ZFAND3: variants seen among roughly 807,000 people sequenced by gnomAD.
ZFAND3 encodes the protein AN1-type zinc finger protein 3.
A neutral mutation model predicts 29.6 loss-of-function variants in ZFAND3; 10 were observed. The observed-to-expected ratio is 0.34, with a 90% CI of 0.21 to 0.57. The LOEUF (loss-of-function observed/expected upper bound fraction) is 0.57, where lower values mean the gene tolerates loss of function less well. Ranked by LOEUF, ZFAND3 falls within the 20% of genes least tolerant of loss-of-function variation. The probability of loss-of-function intolerance (pLI) is 0.86; values close to 1 mark genes in which losing one functional copy is unlikely to be tolerated. For synonymous variants in ZFAND3, 128 were observed against 112.6 expected, an observed-to-expected ratio of 1.14 and a Z score of -0.87; for missense variants, 230 against 304.5, an observed-to-expected ratio of 0.76 and a Z score of 1.82.
chr6:37,937,674 G>A (rs7748313), intron 2 of ZFAND3, among the ~76,000 whole-genome samples: 110,138 of 129,736 alleles, frequency 0.85, 47,761 homozygotes, highest in Non-Finnish European at 0.93. Context: ...AAAAAAAAAA[G>A]GCAAAAAAAG....
intron 1 of ZFAND3, among the ~76,000 whole-genome samples, chr6:37,898,910 T>C (rs1253322815): frequency 6.6e-6 from 1 of 152,132 alleles, no homozygotes; most frequent in Non-Finnish European, 1.5e-5. Flanking sequence ...TATTTATTTA[T>C]TTTGAGACGG....
At chr6:37,998,835 GTAATGTGGATACT>G (rs1238522853) in intron 2 of ZFAND3, among the ~76,000 whole-genome samples, 3 of 152,176 alleles carry the variant, frequency 2.0e-5, no homozygotes, top group Non-Finnish European at 4.4e-5. Flanking sequence ...GGATATATCA[GTAATGTGGATACT>G]TAATGTGGAT....
chr6:37,866,261 A>G (rs1012516383), intron 1 of ZFAND3, among the ~76,000 whole-genome samples: 2 of 152,138 alleles, frequency 1.3e-5, no homozygotes, highest in Non-Finnish European at 2.9e-5. Flanking sequence ...ATTAGGTGAG[A>G]TTATCATTCT....
intron 2 of ZFAND3, among the ~76,000 whole-genome samples, chr6:37,969,265 A>AG (rs944744323): frequency 1.5e-4 from 23 of 152,238 alleles, no homozygotes; most frequent in Non-Finnish European, 2.9e-4. Flanking sequence ...AGTATTTTTA[A>AG]GCAAGAGAAA....
At chr6:37,943,911 G>A (rs12204707) in intron 2 of ZFAND3, among the ~76,000 whole-genome samples, 137 of 152,224 alleles carry the variant, frequency 9.0e-4, no homozygotes, top group Non-Finnish European at 1.6e-3. Context: ...TCTCCTTCCA[G>A]TGTTACATGC....
Position 38,061,770 on chromosome 6 carries a change from A to G in ZFAND3, c.290A>G (p.Glu97Gly). 1 of 1,614,104 alleles carries G rather than the reference A, an allele frequency of 6.2e-7. No homozygotes were observed. The highest frequency in any genetic ancestry group is 2.2e-5 in the East Asian group (1 of 44,866). ...CTGAATGTAACTTCACCGAGTAAAG[A>G]GGAGTGTAAGTGTCTGGCTTCTGAG... ...TELNVTSPSK[E>G]ECGPCTDTAH... is the part of the protein sequence containing the mutation. The change falls in exon 3 of 6, where the codon GAG (glutamate) becomes GGG (glycine). Residue 97 changes from glutamate (E) to glycine (G), a missense_variant. Around this residue, in one of 2 missense-constraint regions of ZFAND3, gnomAD observed 180 missense variants for 202.5 expected, o/e 0.89. Transcript: ENST00000287218.
At position 38,035,469 on chromosome 6, in the gene ZFAND3, A is replaced by C. The variant is rs148106817; in HGVS notation, c.113-26124A>C. On this transcript the variant is annotated intron_variant, in intron 2 of 5. Transcript: ENST00000287218. ...TTTAGCTTTGAAAGTCTTAAAAATA[A>C]TCCTCAAAAAGGGAGAGAGGGTGAT... Among the ~76,000 whole-genome samples, 17 of 152,306 alleles carry C rather than the reference A, an allele frequency of 1.1e-4. No individual in the cohort carries two copies. The East Asian group carries it at 3.1e-3, about 28-fold the overall frequency.
At chr6:37,833,129 A>G (rs1763895646) in intron 1 of ZFAND3, 1 of 152,138 alleles carries the variant, frequency 6.6e-6, no homozygotes, top group African/African-American at 2.4e-5. Flanking sequence ...AGTACTGCCC[A>G]GAACTCCTGG....
chr6:37,901,166 C>T (rs940684597), intron 1 of ZFAND3, among the ~76,000 whole-genome samples: 1 of 152,036 alleles, frequency 6.6e-6, no homozygotes, highest in East Asian at 1.9e-4. Flanking sequence ...TTCACTGTGG[C>T]CAGGCCTTCT....
At chr6:37,953,022 T>G (rs1189973978) in intron 2 of ZFAND3, among the ~76,000 whole-genome samples, 1 of 152,126 alleles carries the variant, frequency 6.6e-6, no homozygotes, top group Non-Finnish European at 1.5e-5. Flanking sequence ...GTTTTTATAT[T>G]TAAAATGCTT....
At chr6:37,852,150 A>T (rs1235649876) in intron 1 of ZFAND3, among the ~76,000 whole-genome samples, 3 of 152,176 alleles carry the variant, frequency 2.0e-5, no homozygotes, top group Admixed American at 6.5e-5. Flanking sequence ...CTTACCAGGA[A>T]ATCAGTTTAT....
intron 1 of ZFAND3, among the ~76,000 whole-genome samples, chr6:37,841,567 T>C (rs931760214): frequency 6.6e-6 from 1 of 152,188 alleles, no homozygotes. Context: ...CACTGCAAGC[T>C]CTGCCTCCCG....
At chr6:38,116,466 GACAAGGGCAGT>G in intron 4 of ZFAND3, 95 bp from the exon 5 acceptor site, 1 of 1,341,638 alleles carries the variant, frequency 7.5e-7, no homozygotes, top group Non-Finnish European at 1.0e-6. Flanking sequence ...CTGATTCCTG[GACAAGGGCAGT>G]AGCCTGGTCA....
At chr6:38,147,664 A>G (rs1381630592) in intron 5 of ZFAND3, among the ~76,000 whole-genome samples, 2 of 152,212 alleles carry the variant, frequency 1.3e-5, no homozygotes, top group Non-Finnish European at 2.9e-5. Context: ...CTTTTTAACA[A>G]TAGCCATACT....
chr6:38,135,755 AAAAC>A (rs1193340964), intron 5 of ZFAND3, among the ~76,000 whole-genome samples: 2 of 152,016 alleles, frequency 1.3e-5, no homozygotes, highest in Non-Finnish European at 2.9e-5. Flanking sequence ...AATTAAAAAA[AAAAC>A]AAACAAAAAA....
At position 37,884,141 on chromosome 6, in the gene ZFAND3, G is replaced by T. The variant is rs192940375; in HGVS notation, c.72-45818G>T. Among the ~76,000 whole-genome samples the T allele has an allele frequency of 5.5e-3, 797 of 145,368 alleles. 55 individuals carry two copies. Among genetic ancestry groups the T allele is most frequent in the Middle Eastern group, 0.014 (4 of 282 alleles). On this transcript the variant is annotated intron_variant, in intron 1 of 5. Coordinates refer to ENST00000287218, the MANE Select transcript of ZFAND3 (RefSeq NM_021943.3). ...TTTTGATATTGTTTGAGTCTAATCA[G>T]GGCTTTACAAGTGATTGAAAATGAA...
intron 1 of ZFAND3, among the ~76,000 whole-genome samples, chr6:37,853,850 C>T (rs943105672): frequency 1.3e-4 from 20 of 152,124 alleles, no homozygotes; most frequent in African/African-American, 4.8e-4. Context: ...GGGGAAAACA[C>T]TAATCTTACA....
intron 2 of ZFAND3, among the ~76,000 whole-genome samples, chr6:38,008,861 A>G (rs1763096224): frequency 7.1e-6 from 1 of 141,282 alleles, no homozygotes; most frequent in South Asian, 2.2e-4. Flanking sequence ...TGTGATCTGT[A>G]AAAAAAAAAA....
intron 5 of ZFAND3, among the ~76,000 whole-genome samples, chr6:38,138,721 C>T (rs1393664814): frequency 6.6e-6 from 1 of 152,178 alleles, no homozygotes; most frequent in Non-Finnish European, 1.5e-5. Flanking sequence ...GAATTGAGCC[C>T]ACAGTTTGAC....
Sources: gnomAD v4.1 joint callset for allele counts (sites outside exome capture counted in the v4.1 genomes callset) on GRCh38, gnomAD v4.1.1 for gene constraint, gnomAD v4.1.1 regional missense constraint, MANE v1.5 for transcripts, NCBI Gene and HGNC (gene_info 2026-07-23, HGNC 2026-07-21) for gene names.